Variants in RTKN2 observed in about 807,000 individuals in gnomAD.
RTKN2 encodes rhotekin-2.
A neutral mutation model predicts 71.5 loss-of-function variants in RTKN2; 69 were observed. The ratio of observed to expected loss-of-function variants is 0.96; its 90% confidence interval spans 0.79 to 1.18. The LOEUF (loss-of-function observed/expected upper bound fraction) is 1.18. Ranked by LOEUF, RTKN2 falls within the 50% of genes most tolerant of loss-of-function variation. The pLI is 0.00. For synonymous variants in RTKN2, 236 were observed against 236.5 expected (o/e 1.00, Z 0.02); for missense variants, 724 against 719.7 (o/e 1.01, Z -0.07).
intron 8 of RTKN2, 129 bp downstream of exon 8, chr10:62,218,066 A>G: frequency 1.6e-6 from 1 of 623,570 alleles, no homozygotes; most frequent in Non-Finnish European, 2.8e-6. Context: ...ATCTGATAAC[A>G]TTTAGAAAAC....
At chr10:62,187,503 A>G (rs568225249) in intron 8 of RTKN2, among the ~76,000 whole-genome samples, 2 of 152,290 alleles carry the variant, frequency 1.3e-5, no homozygotes, top group South Asian at 4.1e-4. Flanking sequence ...ACACACATTC[A>G]GTCACCTTAA....
chr10:62,204,242 G>A (rs907576188), intron 10 of RTKN2, among the ~76,000 whole-genome samples: 1 of 152,064 alleles, frequency 6.6e-6, no homozygotes. Flanking sequence ...TACGATTTCA[G>A]TATTTTCCTG....
intron 10 of RTKN2, among the ~76,000 whole-genome samples, chr10:62,202,348 T>C (rs1841461523): frequency 6.6e-6 from 1 of 152,174 alleles, no homozygotes; most frequent in African/African-American, 2.4e-5. Context: ...TGAAATTTGC[T>C]CTCAATATTA....
rs1841312382 is a variant in RTKN2 at position 62,195,622 on chromosome 10, GGAAGGAAGGAAGGA to G, written c.*2272_*2285del. 1 of 133,350 alleles carries G rather than the reference GGAAGGAAGGAAGGA, an allele frequency of 7.5e-6. No homozygotes were observed. The highest frequency in any genetic ancestry group is 5.2e-5 in the African/African-American group (1 of 19,194). The allele number at this position is 133,350 out of a possible 1,614,324, so 8.3% of individuals were successfully genotyped here. A position where few individuals can be genotyped will look rare whatever the true frequency, so the allele number is the denominator to read the frequency against. Reference sequence around the variant, plus strand: ...CAGAGGGAATGAAGGAAGGAAGGAAGGAAGGAAGGAAGGAAGGAAGGAAGGAAGGAAGGAAGGAA... The same window carrying G: ...CAGAGGGAATGAAGGAAGGAAGGAAGAGGAAGGAAGGAAGGAAGGAAGGAA... On this transcript the variant is annotated 3_prime_UTR_variant, in exon 12 of 12. Coordinates refer to ENST00000373789, the MANE Select transcript of RTKN2 (RefSeq NM_145307.4).
intron 2 of RTKN2, among the ~76,000 whole-genome samples, chr10:62,258,131 A>AT (rs1842707944): frequency 6.6e-6 from 1 of 152,204 alleles, no homozygotes; most frequent in African/African-American, 2.4e-5. Flanking sequence ...GATATTAGTG[A>AT]TTTCTTAACT....
intron 9 of RTKN2, among the ~76,000 whole-genome samples, chr10:62,214,708 C>A (rs565749349): frequency 6.6e-6 from 1 of 152,174 alleles, no homozygotes; most frequent in South Asian, 2.1e-4. Context: ...TAAGCCATCG[C>A]CTATAAGTCT....
chr10:62,239,533 G>A, intron 5 of RTKN2, 115 bp downstream of exon 5: 1 of 512,110 alleles, frequency 2.0e-6, no homozygotes, highest in Non-Finnish European at 3.4e-6. Flanking sequence ...AACATTTAAA[G>A]ATCACTTAAA....
intron 7 of RTKN2, among the ~76,000 whole-genome samples, chr10:62,219,302 C>G (rs1369497370): frequency 6.6e-6 from 1 of 152,082 alleles, no homozygotes; most frequent in African/African-American, 2.4e-5. Flanking sequence ...CTTGAGCAAG[C>G]AGGGTAAAAG....
chr10:62,249,873 A>G (rs1842546289), intron 2 of RTKN2, among the ~76,000 whole-genome samples: 1 of 152,210 alleles, frequency 6.6e-6, no homozygotes, highest in Admixed American at 6.5e-5. Flanking sequence ...CACATAGAAG[A>G]GGCACTAAAC....
chr10:62,207,016 A>G (rs1400166466), intron 9 of RTKN2, among the ~76,000 whole-genome samples: 1 of 152,038 alleles, frequency 6.6e-6, no homozygotes, highest in East Asian at 1.9e-4. Flanking sequence ...CTATTGTGTT[A>G]CAAAATAAAA....
At chr10:62,246,242 A>C (rs1022428957) in intron 2 of RTKN2, among the ~76,000 whole-genome samples, 185 bp from the exon 3 acceptor site, 1 of 152,102 alleles carries the variant, frequency 6.6e-6, no homozygotes, top group Non-Finnish European at 1.5e-5. Context: ...GTTAAAAGAA[A>C]TATCTGGAGC....
chr10:62,184,723 C>A (rs979863980), intron 8 of RTKN2, among the ~76,000 whole-genome samples: 13 of 152,142 alleles, frequency 8.5e-5, no homozygotes, highest in African/African-American at 3.1e-4. Context: ...ATAAGTACTG[C>A]AGTTATGAAA....
At chr10:62,217,986 A>G (rs925914927) in intron 8 of RTKN2, among the ~76,000 whole-genome samples, 3 of 152,176 alleles carry the variant, frequency 2.0e-5, no homozygotes, top group African/African-American at 7.2e-5. Flanking sequence ...GTAGCGCCTT[A>G]GCCATCAACA....
At position 62,196,295 on chromosome 10, in the gene RTKN2, C is replaced by T. The variant is rs1417634562; in HGVS notation, c.*1613G>A. ...AAAATAAGTTTACTTTTTAAGGTTT[C>T]CATACATGTGATGATCTCTACATGC... is the stretch of plus-strand genomic sequence containing the variant. On this transcript the variant is annotated 3_prime_UTR_variant, in exon 12 of 12. Transcript: ENST00000373789. 1 of 983,380 alleles carries T rather than the reference C, an allele frequency of 1.0e-6. No homozygotes were observed. The highest frequency in any genetic ancestry group is 1.2e-6 in the Non-Finnish European group (1 of 828,250). 60.9% of individuals were successfully genotyped at this position (983,380 alleles called of 1,614,324 possible).
intron 1 of RTKN2, among the ~76,000 whole-genome samples, chr10:62,267,990 C>G (rs1242631958): frequency 6.6e-6 from 1 of 152,238 alleles, no homozygotes; most frequent in Admixed American, 6.5e-5. Flanking sequence ...TCCAATGTCA[C>G]GTGTACTCCC....
chr10:62,268,613 C>A lies in RTKN2; in HGVS notation c.-3G>T. 6.4e-7 allele frequency: 1 copy of A among 1,561,918 alleles called. No homozygotes were observed. Among genetic ancestry groups the A allele is most frequent in the Middle Eastern group, 1.7e-4 (1 of 5,840 alleles). On this transcript the variant is annotated 5_prime_UTR_variant, in exon 1 of 12. Transcript: ENST00000373789. ...CCCCTCAGGCTCGGCCCCTCCATCT[C>A]CAACGCGAACTGTCCGGGCCGTCGC...
At chr10:62,250,161 A>G (rs917831919) in intron 2 of RTKN2, among the ~76,000 whole-genome samples, 1 of 152,234 alleles carries the variant, frequency 6.6e-6, no homozygotes, top group East Asian at 1.9e-4. Context: ...AACACAAGCA[A>G]TATCAACTTG....
intron 3 of RTKN2, 36 bp from the exon 4 acceptor site, chr10:62,241,231 T>C (rs1030090351): frequency 3.0e-6 from 4 of 1,337,360 alleles, no homozygotes; most frequent in Non-Finnish European, 2.1e-6. Context: ...CAAGTAATAA[T>C]TTTGGTAAGT....
At chr10:62,235,921 G>T in intron 6 of RTKN2, 145 bp downstream of exon 6, 1 of 635,336 alleles carries the variant, frequency 1.6e-6, no homozygotes, top group Non-Finnish European at 2.7e-6. Context: ...GGATACCTCA[G>T]TTGAGTAAAT....
Sources: allele counts gnomAD v4.1 joint callset (sites outside exome capture counted in the v4.1 genomes callset), GRCh38; gene constraint gnomAD v4.1.1; transcripts MANE v1.5; gene names NCBI Gene and HGNC (gene_info 2026-07-23, HGNC 2026-07-21).